BCAS3: variants seen among roughly 807,000 people sequenced by gnomAD.
BCAS3 encodes BCAS3 microtubule associated cell migration factor.
A neutral mutation model predicts 116.1 loss-of-function variants in BCAS3; 53 were observed. That is an observed-to-expected ratio of 0.46 (90% CI 0.37 to 0.57). The LOEUF (loss-of-function observed/expected upper bound fraction) is 0.57. Among genes scored for constraint, BCAS3 ranks in the 20% least tolerant of loss-of-function variants. BCAS3 has a pLI of 0.00. For synonymous variants in BCAS3, 391 were observed against 408.2 expected (o/e 0.96, Z 0.51); for missense variants, 917 against 1,165.4 (o/e 0.79, Z 3.10).
chr17:61,096,145 A>G (rs1229790238), intron 22 of BCAS3, among the ~76,000 whole-genome samples: 3 of 152,158 alleles, frequency 2.0e-5, no homozygotes, highest in Non-Finnish European at 2.9e-5. Flanking sequence ...TACAGGCAAA[A>G]CATAAACTTT....
rs1293939323 is a variant in BCAS3, at chr17:61,199,699, G to A, written c.2425+115135G>A. Among the ~76,000 whole-genome samples the A allele has an allele frequency of 3.3e-5, 5 of 151,740 alleles. No homozygotes were observed. The East Asian group carries it at 9.9e-4, about 30-fold the overall frequency. On this transcript the variant is annotated intron_variant, in intron 22 of 23. Coordinates refer to ENST00000407086, the MANE Select transcript of BCAS3 (RefSeq NM_017679.5). This position sits in a 1 kb window ranked among gnomAD's most constrained non-coding sequence, Gnocchi z 4.6. ...AATACCATAGTTCCCTTCTCAAACA[G>A]CAGTGACAGCTTAATTTTGATAGGA...
At chr17:61,035,857 T>A (rs1234783660) in intron 17 of BCAS3, among the ~76,000 whole-genome samples, 1 of 152,152 alleles carries the variant, frequency 6.6e-6, no homozygotes, top group Non-Finnish European at 1.5e-5. Context: ...ATGATTCATG[T>A]CCCAGGCAGG....
chr17:61,044,902 C>T (rs1208468713), intron 19 of BCAS3, among the ~76,000 whole-genome samples: 3 of 151,424 alleles, frequency 2.0e-5, no homozygotes, highest in African/African-American at 7.3e-5. Flanking sequence ...GCTGTGATTA[C>T]AGGCACACGC....
intron 23 of BCAS3, among the ~76,000 whole-genome samples, chr17:61,375,246 G>GTGTGTGTGTGCGCGCGCACACA (rs150061118): frequency 6.6e-5 from 10 of 150,666 alleles, no homozygotes; most frequent in African/African-American, 2.5e-4. Context: ...GTGTGTGTGT[G>GTGTGTGTGTGCGCGCGCACACA]TGTGTGTGTA....
At chr17:60,952,987 T>G (rs1313162121) in intron 14 of BCAS3, among the ~76,000 whole-genome samples, 1 of 151,842 alleles carries the variant, frequency 6.6e-6, no homozygotes, top group Non-Finnish European at 1.5e-5. Context: ...GGTGTCTATG[T>G]ACCATGTTTT....
chr17:60,716,425 C>G (rs929920465), intron 5 of BCAS3, among the ~76,000 whole-genome samples: 1 of 152,116 alleles, frequency 6.6e-6, no homozygotes. Context: ...TGAAAGCATT[C>G]TTTTCTCCAT....
intron 7 of BCAS3, among the ~76,000 whole-genome samples, chr17:60,858,292 A>C (rs2053852920): frequency 6.6e-6 from 1 of 152,274 alleles, no homozygotes; most frequent in East Asian, 1.9e-4. Context: ...TGTCACACCA[A>C]AAGTTTCTCG....
chr17:61,175,269 T>A lies in BCAS3; in HGVS notation c.2425+90705T>A, dbSNP rs558223079. Among the ~76,000 whole-genome samples the A allele has an allele frequency of 2.6e-5, 4 of 151,922 alleles. No homozygotes were observed. The East Asian group carries it at 7.8e-4, about 29-fold the overall frequency. On this transcript the variant is annotated intron_variant, in intron 22 of 23. Coordinates refer to ENST00000407086, the MANE Select transcript of BCAS3 (RefSeq NM_017679.5). Reference sequence around the variant, plus strand: ...AAAAAATATAAAGATTAGCTGGGTGTGGTGGTGCATGGCCATAGTCCCAGC... The same window carrying A: ...AAAAAATATAAAGATTAGCTGGGTGAGGTGGTGCATGGCCATAGTCCCAGC...
chr17:60,976,426 A>T (rs928743426), intron 14 of BCAS3, among the ~76,000 whole-genome samples: 27 of 138,276 alleles, frequency 2.0e-4, no homozygotes, highest in Admixed American at 2.8e-4. Flanking sequence ...TTTTGGAAAC[A>T]ATATATATAT....
In BCAS3 at chr17:61,098,162, A is replaced by G. The variant is rs529729986; in HGVS notation, c.2425+13598A>G. Among the ~76,000 whole-genome samples the G allele has an allele frequency of 7.9e-5, 12 of 152,320 alleles. No homozygotes were observed. Among genetic ancestry groups the G allele is most frequent in the Non-Finnish European group, 1.6e-4 (11 of 68,022 alleles). ...GCTGGAGGGTCCTTCTTGCATAGAG[A>G]GGTAATCAATATGGTCTAGAGTTCT... is the stretch of plus-strand genomic sequence containing the variant. On this transcript the variant is annotated intron_variant, in intron 22 of 23. Transcript: ENST00000407086. The surrounding 1 kb of genome is among the most constrained non-coding windows in gnomAD (Gnocchi z 4.2).
intron 22 of BCAS3, among the ~76,000 whole-genome samples, chr17:61,184,331 ACAC>A (rs920038259): frequency 7.1e-6 from 1 of 140,436 alleles, no homozygotes; most frequent in African/African-American, 2.5e-5. Flanking sequence ...ATTTGGACAA[ACAC>A]CACAGAAGAT....
intron 22 of BCAS3, among the ~76,000 whole-genome samples, chr17:61,212,127 T>G (rs1458000914): frequency 1.3e-5 from 2 of 152,260 alleles, no homozygotes; most frequent in African/African-American, 4.8e-5. Flanking sequence ...CTTTACAGAT[T>G]TATATCCTCA....
At chr17:60,976,212 G>A (rs966792067) in intron 14 of BCAS3, among the ~76,000 whole-genome samples, 3 of 150,578 alleles carry the variant, frequency 2.0e-5, no homozygotes, top group African/African-American at 7.3e-5. Context: ...TTTTAGTAGA[G>A]ATCGGGTTTC....
chr17:61,069,855 A>AC (rs2071139864), intron 19 of BCAS3: 2 of 830,716 alleles, frequency 2.4e-6, no homozygotes, highest in East Asian at 4.9e-5. Flanking sequence ...AAAAAAAAAA[A>AC]GACCCTTTTC....
chr17:61,095,679 C>T lies in BCAS3; in HGVS notation c.2425+11115C>T, dbSNP rs2073921147. Among the ~76,000 whole-genome samples, 4 of 152,086 alleles carry T rather than the reference C, an allele frequency of 2.6e-5. 1 individual carries two copies. In the South Asian group the frequency reaches 8.3e-4, roughly 32 times the overall value. On this transcript the variant is annotated intron_variant, in intron 22 of 23. Transcript: ENST00000407086. This position sits in a 1 kb window ranked among gnomAD's most constrained non-coding sequence, Gnocchi z 4.7. The stretch of plus-strand genomic sequence containing the variant: ...ACAAGGTTTCACCATGTTGGCCAGG[C>T]TGGTCTTGAACTTCTGAGCTCAAGT...
intron 15 of BCAS3, among the ~76,000 whole-genome samples, chr17:61,010,465 C>G (rs180783246): frequency 0.03 from 4,532 of 151,524 alleles, 229 homozygotes; most frequent in African/African-American, 0.1. Flanking sequence ...AAAAAAAGAG[C>G]ACAAGAAGTT....
chr17:60,790,942 A>G (rs1268359852), intron 6 of BCAS3, among the ~76,000 whole-genome samples: 4 of 152,010 alleles, frequency 2.6e-5, no homozygotes, highest in Non-Finnish European at 5.9e-5. Flanking sequence ...TGGTTTCACC[A>G]TGTTGGCCAG....
At chr17:61,054,030 T>G (rs1051029244) in intron 19 of BCAS3, among the ~76,000 whole-genome samples, 4 of 152,246 alleles carry the variant, frequency 2.6e-5, no homozygotes, top group Non-Finnish European at 5.9e-5. Context: ...TGAAAAGATG[T>G]CAGATAGCTG....
At chr17:60,934,519 T>C (rs1426922149) in intron 13 of BCAS3, among the ~76,000 whole-genome samples, 1 of 152,230 alleles carries the variant, frequency 6.6e-6, no homozygotes, top group Non-Finnish European at 1.5e-5. Context: ...GGTACATACA[T>C]GCAAAGCAGC....
Sources: gnomAD v4.1 joint callset for allele counts (sites outside exome capture counted in the v4.1 genomes callset) on GRCh38, gnomAD v4.1.1 for gene constraint, Gnocchi (gnomAD v3.1) non-coding constraint, MANE v1.5 for transcripts, NCBI Gene and HGNC (gene_info 2026-07-23, HGNC 2026-07-21) for gene names.